Variants in PRX observed in about 807,000 individuals in gnomAD.
PRX encodes periaxin.
In PRX, 24 loss-of-function variants were observed where a neutral mutation model predicts 29.6. The observed-to-expected ratio is 0.81, with a 90% CI of 0.59 to 1.14. The LOEUF (loss-of-function observed/expected upper bound fraction) is 1.14. PRX is among the 50% of genes most tolerant of loss of function. The probability of loss-of-function intolerance (pLI) is 0.00; values close to 1 mark genes in which losing one functional copy is unlikely to be tolerated. For synonymous variants in PRX, 772 were observed against 831.7 expected (o/e 0.93, Z 1.24); for missense variants, 1,838 against 1,926.4 (o/e 0.95, Z 0.86).
At chr19:40,401,069 C>T (rs940495951) in intron 5 of PRX, among the ~76,000 whole-genome samples, 1 of 152,130 alleles carries the variant, frequency 6.6e-6, no homozygotes, top group Non-Finnish European at 1.5e-5. Flanking sequence ...ACTCCATCCT[C>T]AGGTCAAAAA....
Position 40,398,573 on chromosome 19 carries a change from G to GGATC in PRX, c.381+43_381+46dup. Reference sequence around the variant, plus strand: ...GAATGGGGCTCACGGCGCAGAGACCGGATCGCTGGGGCAGTCCAGGGCCGG... The same window carrying GGATC: ...GAATGGGGCTCACGGCGCAGAGACCGGATCGATCGCTGGGGCAGTCCAGGGCCGG... On this transcript the variant is annotated intron_variant, in intron 6 of 6. Transcript: ENST00000324001. This position sits in a 1 kb window ranked among gnomAD's most constrained non-coding sequence, Gnocchi z 6.3. The GGATC allele has an allele frequency of 6.2e-7, 1 of 1,608,076 alleles. No individual in the cohort carries two copies. Among genetic ancestry groups the GGATC allele is most frequent in the East Asian group, 2.2e-5 (1 of 44,766 alleles).
At position 40,394,858 on chromosome 19, in the gene PRX, G is replaced by A. The variant is rs2079415753; in HGVS notation, c.3494C>T (p.Thr1165Ile). Residue 1165 changes from threonine (T) to isoleucine (I), a missense_variant, in exon 7 of 7, where the codon ACC becomes ATC. Physicochemically the swap from Thr to Ile is moderately conservative, Grantham distance 89. Around this residue, in one of 3 missense-constraint regions of PRX, gnomAD observed 1,143 missense variants for 1,193.0 expected, o/e 0.96. Coordinates refer to ENST00000324001, the MANE Select transcript of PRX (RefSeq NM_181882.3). This position sits in a 1 kb window ranked among gnomAD's most constrained non-coding sequence, Gnocchi z 5.8. ...VELTGFGEAG[T>I]PGQQAQSTVP... ...TGTACTCTGAGCCTGCTGCCCTGGGGTACCTGCCTCCCCAAAGCCGGTCAG... is the reference window on the plus strand; with the variant it reads ...TGTACTCTGAGCCTGCTGCCCTGGGATACCTGCCTCCCCAAAGCCGGTCAG... 6.2e-7 allele frequency: 1 copy of A among 1,612,232 alleles called. No individual in the cohort carries two copies. The highest frequency in any genetic ancestry group is 8.5e-7 in the Non-Finnish European group (1 of 1,179,962).
Position 40,395,903 on chromosome 19 carries a change from G to A in PRX, c.2449C>T (p.Arg817Cys), listed in dbSNP as rs147441856. ...GCACCCGCCTCGCCTGGCTTGCCAC[G>A]TGATGGGGACTCTGCCCTCCCTAGC... is the stretch of plus-strand genomic sequence containing the variant. Reference protein sequence around the residue: ...PKLGRAESPSRGKPGEAGAEV... With the variant: ...PKLGRAESPSCGKPGEAGAEV... The change falls in exon 7 of 7, where the codon CGT becomes TGT. Residue 817 changes from arginine to cysteine, a missense_variant. Transcript: ENST00000324001. 1.7e-4 allele frequency: 277 copies of A among 1,614,036 alleles called. No homozygotes were observed. The highest frequency in any genetic ancestry group is 2.2e-4 in the Non-Finnish European group (259 of 1,180,052).
At position 40,393,964 on chromosome 19, in the gene PRX, C is replaced by T; in HGVS notation, c.*2G>A. On this transcript the variant is annotated 3_prime_UTR_variant, in exon 7 of 7. Coordinates refer to ENST00000324001, the MANE Select transcript of PRX (RefSeq NM_181882.3). ...GAAGGGATCCCCATCTGACTAGGGG[C>T]TTCAGACAGCCGCAGCCTGAGCCCC... is the stretch of plus-strand genomic sequence containing the variant. 2 of 1,611,660 alleles carry T rather than the reference C, an allele frequency of 1.2e-6. No individual in the cohort carries two copies. Among genetic ancestry groups the T allele is most frequent in the Non-Finnish European group, 1.7e-6 (2 of 1,179,778 alleles).
chr19:40,401,227 A>AGGG (rs777013306), intron 5 of PRX, among the ~76,000 whole-genome samples: 4 of 152,222 alleles, frequency 2.6e-5, no homozygotes, highest in African/African-American at 4.8e-5. Context: ...TACCTGGATA[A>AGGG]TCACAGTAGC....
Position 40,395,036 on chromosome 19 carries a change from C to G in PRX, c.3316G>C (p.Ala1106Pro). 6.2e-7 allele frequency: 1 copy of G among 1,611,084 alleles called. No homozygotes were observed. The highest frequency in any genetic ancestry group is 1.3e-5 in the African/African-American group (1 of 75,014). The change falls in exon 7 of 7, where the codon GCC becomes CCC. Residue 1106 changes from alanine (A) to proline (P), a missense_variant. This residue lies in a region of PRX where 1,143 missense variants were observed against 1,193.0 expected (regional missense o/e 0.96). Coordinates refer to ENST00000324001, the MANE Select transcript of PRX (RefSeq NM_181882.3). Reference protein sequence around the residue: ...IPEVELVTLGAQEEGRAEGAV... With the variant: ...IPEVELVTLGPQEEGRAEGAV... ...CCCTCTGCCCTCCCTTCCTCCTGGG[C>G]GCCCAGCGTGACCAGCTCCACCTCG... is the stretch of plus-strand genomic sequence containing the variant.
chr19:40,396,466 A>G lies in PRX; in HGVS notation c.1886T>C (p.Met629Thr), dbSNP rs374384185. The G allele has an allele frequency of 9.3e-6, 15 of 1,611,046 alleles. No individual in the cohort carries two copies. In the African/African-American group the frequency reaches 1.8e-4, roughly 19 times the overall value. The change falls in exon 7 of 7, where the codon ATG becomes ACG. Residue 629 changes from methionine (M) to threonine (T), a missense_variant. Coordinates refer to ENST00000324001, the MANE Select transcript of PRX (RefSeq NM_181882.3). ...AGGGAGTTTCATCTCAGGGAGCTTC[A>G]TCTCTGGGACTTTTGGAAGCTGCAC... The part of the protein sequence containing the change: ...PEVQLPKVPE[M>T]KLPEMKLPEV...
chr19:40,398,036 C>A lies in PRX; in HGVS notation c.382-66G>T. On this transcript the variant is annotated intron_variant, in intron 6 of 6. Transcript: ENST00000324001. This position sits in a 1 kb window ranked among gnomAD's most constrained non-coding sequence, Gnocchi z 6.3. ...GGAGGCTGGGAGTGGACAGGAAGAG[C>A]CCCACCTGGTATTGGACCAGGCGGG... The A allele has an allele frequency of 6.5e-7, 1 of 1,544,060 alleles. No homozygotes were observed. The highest frequency in any genetic ancestry group is 8.7e-7 in the Non-Finnish European group (1 of 1,144,696).
upstream of PRX, among the ~76,000 whole-genome samples, chr19:40,414,321 A>T (rs112386256): frequency 3.4e-3 from 511 of 152,070 alleles, 2 homozygotes; most frequent in African/African-American, 0.012. Context: ...GCAAAGTTTC[A>T]CCATGTTGCC....
At chr19:40,409,192 T>C (rs779048895) in intron 1 of PRX, among the ~76,000 whole-genome samples, 231 of 151,466 alleles carry the variant, frequency 1.5e-3, no homozygotes, top group Non-Finnish European at 2.4e-3. Flanking sequence ...AGAGATGGAG[T>C]CTCCCTAGGT....
At chr19:40,402,366 T>TAAATA (rs891765545) in intron 5 of PRX, among the ~76,000 whole-genome samples, 9 of 150,878 alleles carry the variant, frequency 6.0e-5, no homozygotes, top group Non-Finnish European at 8.9e-5. Flanking sequence ...AATAAATAAA[T>TAAATA]AAATAAAATA....
At chr19:40,414,362 G>A (rs571315806), upstream of PRX, among the ~76,000 whole-genome samples, 4 of 152,136 alleles carry the variant, frequency 2.6e-5, no homozygotes, top group Non-Finnish European at 5.9e-5. Context: ...GGGCTCAAGC[G>A]ATCTTCCCAC....
At position 40,398,516 on chromosome 19, in the gene PRX, G is replaced by C. The variant is rs773256533; in HGVS notation, c.381+104C>G. 6.3e-7 allele frequency: 1 copy of C among 1,578,058 alleles called. No individual in the cohort carries two copies. The highest frequency in any genetic ancestry group is 8.6e-7 in the Non-Finnish European group (1 of 1,164,362). On this transcript the variant is annotated intron_variant, in intron 6 of 6. Coordinates refer to ENST00000324001, the MANE Select transcript of PRX (RefSeq NM_181882.3). The surrounding 1 kb of genome is among the most constrained non-coding windows in gnomAD (Gnocchi z 6.3). The stretch of plus-strand genomic sequence containing the variant: ...TGGAATTAGCTTGGGTTAGTGACAA[G>C]ACAGAGGGCAAGGCTGGCCCACGAT...
At position 40,397,869 on chromosome 19, in the gene PRX, G is replaced by A; in HGVS notation, c.483C>T (p.Pro161=). The A allele has an allele frequency of 1.9e-6, 3 of 1,609,386 alleles. No homozygotes were observed. Among genetic ancestry groups the A allele is most frequent in the South Asian group, 2.2e-5 (2 of 90,290 alleles). The stretch of plus-strand genomic sequence containing the variant: ...GGCCCCGACGCAGGCGGGAGAACTT[G>A]GGAAAGGAGAACTCGACGTCAACAG... The part of the protein sequence containing the change: ...LAPVDVEFSF[P]KFSRLRRGLK... Residue 161 remains proline, a synonymous_variant, in exon 7 of 7, where the codon CCC becomes CCT. Coordinates refer to ENST00000324001, the MANE Select transcript of PRX (RefSeq NM_181882.3).
chr19:40,395,507 C>T lies in PRX; in HGVS notation c.2845G>A (p.Glu949Lys), dbSNP rs537040907. 1 of 1,614,230 alleles carries T rather than the reference C, an allele frequency of 6.2e-7. No individual in the cohort carries two copies. The highest frequency in any genetic ancestry group is 2.2e-5 in the East Asian group (1 of 44,880). The change falls in exon 7 of 7, where the codon GAG becomes AAG. Residue 949 changes from glutamate (E) to lysine (K), a missense_variant. Transcript: ENST00000324001. ...AGCTTGGTAGCTCGCCCAGCCCCCT[C>T]AGCCTCTGCCTTAGCCACCTTTGGC... The part of the protein sequence containing the change: ...SGPKVAKAEA[E>K]GAGRATKLKV...
intron 1 of PRX, among the ~76,000 whole-genome samples, chr19:40,409,430 C>T (rs1391341323): frequency 6.7e-6 from 1 of 149,086 alleles, no homozygotes; most frequent in Non-Finnish European, 1.5e-5. Flanking sequence ...AGGCACCTGG[C>T]AGGTGCTTTA....
At chr19:40,408,816 G>GGTGTGT (rs575859236) in intron 1 of PRX, among the ~76,000 whole-genome samples, 3,405 of 143,348 alleles carry the variant, frequency 0.024, 114 homozygotes, top group African/African-American at 0.075. Context: ...TGTTGTTGGT[G>GGTGTGT]GTGTGTGTGT....
At position 40,394,869 on chromosome 19, in the gene PRX, C is replaced by T. The variant is rs1344913169; in HGVS notation, c.3483G>A (p.Gly1161=). The change falls in exon 7 of 7, where the codon GGG becomes GGA. Residue 1161 remains glycine (G), a synonymous_variant. Transcript: ENST00000324001. This position sits in a 1 kb window ranked among gnomAD's most constrained non-coding sequence, Gnocchi z 5.8. ...SLPQVELTGF[G]EAGTPGQQAQ... is the part of the protein sequence containing the mutation. ...CCTGCTGCCCTGGGGTACCTGCCTC[C>T]CCAAAGCCGGTCAGCTCCACCTGTG... 8 of 1,611,904 alleles carry T rather than the reference C, an allele frequency of 5.0e-6. No individual in the cohort carries two copies. The Admixed American group carries it at 1.2e-4, about 24-fold the overall frequency.
chr19:40,394,709 T>G lies in PRX; in HGVS notation c.3643A>C (p.Thr1215Pro). 6.2e-7 allele frequency: 1 copy of G among 1,611,992 alleles called. No individual in the cohort carries two copies. Residue 1215 changes from threonine (T) to proline (P), a missense_variant, in exon 7 of 7, where the codon ACC becomes CCC. Physicochemically the swap from Thr to Pro is conservative, Grantham distance 38. Around this residue, in one of 3 missense-constraint regions of PRX, gnomAD observed 1,143 missense variants for 1,193.0 expected, o/e 0.96. Transcript: ENST00000324001. This position sits in a 1 kb window ranked among gnomAD's most constrained non-coding sequence, Gnocchi z 5.8. ...AGCTCAAGCTGGGGCACTGTCACGG[T>G]GGGCATCTTAAAGACACCCTCACCC... Reference protein sequence around the residue: ...LVGEGVFKMPTVTVPQLELDV... With the variant: ...LVGEGVFKMPPVTVPQLELDV...
Sources: allele counts gnomAD v4.1 joint callset (sites outside exome capture counted in the v4.1 genomes callset), GRCh38; gene constraint gnomAD v4.1.1; regional missense constraint gnomAD v4.1.1; non-coding constraint Gnocchi (gnomAD v3.1); transcripts MANE v1.5; gene names NCBI Gene and HGNC (gene_info 2026-07-23, HGNC 2026-07-21).